Variants in SYT1 observed in about 807,000 individuals in gnomAD.
The protein encoded by SYT1 is synaptotagmin-1.
SYT1 carries 8 observed loss-of-function variants against 44.8 expected under a neutral mutation model. The ratio of observed to expected loss-of-function variants is 0.18; its 90% CI spans 0.10 to 0.32. SYT1 has a LOEUF of 0.32. Ranked by LOEUF, SYT1 falls within the 10% of genes least tolerant of loss-of-function variation. The pLI, the probability that SYT1 is intolerant of heterozygous loss-of-function variation, is 1.00. For synonymous variants in SYT1, 154 were observed against 188.8 expected (o/e 0.82, Z 1.51); for missense variants, 286 against 509.3 (o/e 0.56, Z 4.22).
At chr12:79,339,196 G>A (rs1592980086) in intron 8 of SYT1, among the ~76,000 whole-genome samples, 1 of 152,152 alleles carries the variant, frequency 6.6e-6, no homozygotes, top group African/African-American at 2.4e-5. Context: ...TAATGGGATG[G>A]CTGGGTCAAA....
chr12:78,931,647 A>G (rs982782150), intron 1 of SYT1, among the ~76,000 whole-genome samples: 3 of 152,152 alleles, frequency 2.0e-5, no homozygotes, highest in Admixed American at 1.3e-4. Context: ...TATTTTAACA[A>G]TTTTGTTTTG....
chr12:78,931,238 A>AGAAAGAAAGGAAGGAAG (rs1877667216), intron 1 of SYT1, among the ~76,000 whole-genome samples: 2 of 41,130 alleles, frequency 4.9e-5, no homozygotes, highest in East Asian at 1.1e-3. Context: ...AAAGAAAGAA[A>AGAAAGAAAGGAAGGAAG]GAAGGAAGGA....
chr12:78,931,335 G>GGAAGGAAGGAA (rs1877711523), intron 1 of SYT1, among the ~76,000 whole-genome samples: 1 of 16,344 alleles, frequency 6.1e-5, no homozygotes, highest in Non-Finnish European at 1.0e-4. Context: ...GAGGGAGGGA[G>GGAAGGAAGGAA]GGAAGGAAGG....
intron 2 of SYT1, among the ~76,000 whole-genome samples, chr12:79,000,249 G>T (rs1209885439): frequency 6.7e-6 from 1 of 148,514 alleles, no homozygotes; most frequent in African/African-American, 2.5e-5. Flanking sequence ...AACATAAGTG[G>T]TATTTAAAAA....
At chr12:78,898,355 T>C (rs1875475865) in intron 1 of SYT1, among the ~76,000 whole-genome samples, 1 of 152,076 alleles carries the variant, frequency 6.6e-6, no homozygotes, top group Non-Finnish European at 1.5e-5. Context: ...TTCTGTCAAT[T>C]TGAGGGGGAA....
chr12:79,242,545 A>G (rs1211927600), intron 4 of SYT1, among the ~76,000 whole-genome samples: 1 of 152,238 alleles, frequency 6.6e-6, no homozygotes, highest in African/African-American at 2.4e-5. Context: ...TAAGTTTTCA[A>G]GCAACAAGCA....
chr12:79,381,154 G>A (rs1370402491), intron 9 of SYT1, among the ~76,000 whole-genome samples: 7 of 152,102 alleles, frequency 4.6e-5, no homozygotes, highest in African/African-American at 4.8e-5. Flanking sequence ...CATTGGCAAC[G>A]AATGGCCTAC....
chr12:78,876,857 A>T (rs1240243685), intron 1 of SYT1, among the ~76,000 whole-genome samples: 29 of 52,796 alleles, frequency 5.5e-4, no homozygotes, highest in African/African-American at 3.7e-3. Context: ...TATTATATAT[A>T]ATATATATAA....
At chr12:79,028,202 TTCTG>T (rs1271109551) in intron 2 of SYT1, among the ~76,000 whole-genome samples, 6 of 151,456 alleles carry the variant, frequency 4.0e-5, no homozygotes, top group Admixed American at 2.0e-4. Flanking sequence ...TCTTCAAATT[TTCTG>T]TCTGTCGAGT....
intron 2 of SYT1, among the ~76,000 whole-genome samples, chr12:79,030,763 C>T (rs11112402): frequency 0.013 from 2,038 of 150,992 alleles, 43 homozygotes; most frequent in African/African-American, 0.047. Context: ...GTGAGGCCAT[C>T]CCAAAATAAA....
intron 9 of SYT1, among the ~76,000 whole-genome samples, chr12:79,359,998 C>T (rs2136021871): frequency 6.6e-6 from 1 of 152,232 alleles, no homozygotes. Flanking sequence ...ATTTCAAGGA[C>T]TAATTCAAAC....
At chr12:79,130,523 T>A (rs1868744430) in intron 3 of SYT1, among the ~76,000 whole-genome samples, 1 of 152,178 alleles carries the variant, frequency 6.6e-6, no homozygotes, top group African/African-American at 2.4e-5. Flanking sequence ...CAAGAAATTT[T>A]GTATGGCAAA....
chr12:78,894,337 T>G (rs1875233795), intron 1 of SYT1, among the ~76,000 whole-genome samples: 1 of 72,434 alleles, frequency 1.4e-5, no homozygotes, highest in African/African-American at 7.6e-5. Context: ...TCTGTTTTTT[T>G]TTTTTTTTTT....
At chr12:79,048,368 G>A (rs1874229212) in intron 3 of SYT1, among the ~76,000 whole-genome samples, 1 of 151,732 alleles carries the variant, frequency 6.6e-6, no homozygotes, top group Non-Finnish European at 1.5e-5. Context: ...GAACTTTGAT[G>A]CATAAATTAC....
chr12:79,448,330 C>T (rs142083466), intron 10 of SYT1, among the ~76,000 whole-genome samples: 63 of 152,226 alleles, frequency 4.1e-4, no homozygotes, highest in African/African-American at 1.5e-3. Flanking sequence ...CCATACTTTT[C>T]ACTATACTAT....
chr12:78,940,806 T>G (rs1323871539), intron 1 of SYT1, among the ~76,000 whole-genome samples: 1 of 152,154 alleles, frequency 6.6e-6, no homozygotes, highest in African/African-American at 2.4e-5. Flanking sequence ...GGCATGGTTA[T>G]CAAAGCATTT....
chr12:79,274,048 C>T (rs888043375), intron 4 of SYT1, among the ~76,000 whole-genome samples: 1 of 152,202 alleles, frequency 6.6e-6, no homozygotes, highest in African/African-American at 2.4e-5. Context: ...GGTGCCACTG[C>T]ACTCCAGCCT....
chr12:79,179,563 A>G (rs866587891), intron 3 of SYT1, among the ~76,000 whole-genome samples: 6 of 149,134 alleles, frequency 4.0e-5, no homozygotes, highest in African/African-American at 1.5e-4. Context: ...ATATAGATTT[A>G]GATATATAGA....
At chr12:78,919,228 G>A (rs971308545) in intron 1 of SYT1, among the ~76,000 whole-genome samples, 1 of 151,950 alleles carries the variant, frequency 6.6e-6, no homozygotes, top group Non-Finnish European at 1.5e-5. Context: ...AAAAGTTTCT[G>A]GTTTATGAAC....
Sources: allele counts gnomAD v4.1 joint callset (sites outside exome capture counted in the v4.1 genomes callset), GRCh38; gene constraint gnomAD v4.1.1; transcripts MANE v1.5; gene names NCBI Gene and HGNC (gene_info 2026-07-23, HGNC 2026-07-21).